Variants in CMTM7 observed in about 807,000 individuals in gnomAD.
CMTM7 encodes the protein CKLF like MARVEL transmembrane domain containing 7.
A neutral mutation model predicts 19.3 loss-of-function variants in CMTM7; 7 were observed. That is an observed-to-expected ratio of 0.36 (90% CI 0.21 to 0.68). The LOEUF (loss-of-function observed/expected upper bound fraction) is 0.68. Ranked by LOEUF, CMTM7 falls within the 30% of genes least tolerant of loss-of-function variation. CMTM7 has a pLI of 0.60. For missense variants in CMTM7, 193 were observed against 232.6 expected (o/e 0.83, Z 1.11); for synonymous variants, 87 against 99.3 (o/e 0.88, Z 0.74).
chr3:32,412,610 G>GTTTT (rs59220521), intron 1 of CMTM7, among the ~76,000 whole-genome samples: 42 of 142,434 alleles, frequency 2.9e-4, no homozygotes, highest in African/African-American at 9.9e-4. Flanking sequence ...TAGACCTAGC[G>GTTTT]TTTTTTTTTA....
At chr3:32,398,253 G>C (rs1350004766) in intron 1 of CMTM7, among the ~76,000 whole-genome samples, 1 of 152,180 alleles carries the variant, frequency 6.6e-6, no homozygotes, top group African/African-American at 2.4e-5. Flanking sequence ...CTATTAACAG[G>C]ATAGACTCTT....
Position 32,452,452 on chromosome 3 carries a change from TCGTGTGTAA to T in CMTM7, c.495_503del (p.Cys166_Thr168del), listed in dbSNP as rs1468893865. ...AAGCATATGGCTGTCCTATAAGATC[TCGTGTGTAA>T]CCCAGTCCACAGGTGAGTTCTGGTT... On this transcript the variant is annotated inframe_deletion, in exon 4 of 5. Coordinates refer to ENST00000334983, the MANE Select transcript of CMTM7 (RefSeq NM_138410.4). 1.2e-6 allele frequency: 2 copies of T among 1,614,134 alleles called. No individual in the cohort carries two copies. Among genetic ancestry groups the T allele is most frequent in the Non-Finnish European group, 1.7e-6 (2 of 1,180,036 alleles).
At chr3:32,398,292 C>T (rs939997933) in intron 1 of CMTM7, among the ~76,000 whole-genome samples, 3 of 152,194 alleles carry the variant, frequency 2.0e-5, no homozygotes, top group Non-Finnish European at 2.9e-5. Flanking sequence ...CAGACTGTGA[C>T]GTTTACATAA....
chr3:32,442,525 A>G (rs867210486), intron 2 of CMTM7, among the ~76,000 whole-genome samples: 2,575 of 144,252 alleles, frequency 0.018, 82 homozygotes, highest in African/African-American at 0.062. Flanking sequence ...AAAAAAAAAA[A>G]AAGAAGAAGG....
intron 1 of CMTM7, 138 bp downstream of exon 1, chr3:32,392,203 T>A: frequency 1.5e-6 from 1 of 683,368 alleles, no homozygotes; most frequent in Non-Finnish European, 2.0e-6. Context: ...ACCGCGTCGC[T>A]AAAGTTCGCG....
intron 1 of CMTM7, among the ~76,000 whole-genome samples, chr3:32,403,988 C>G (rs1696049699): frequency 6.6e-6 from 1 of 152,082 alleles, no homozygotes; most frequent in African/African-American, 2.4e-5. Context: ...GAAGCATTTT[C>G]ACATTACCCA....
chr3:32,449,284 C>T lies in CMTM7; in HGVS notation c.334-170C>T, dbSNP rs191425919. ...TTGCTTGGCCTCTTCCTGGTCAGCC[C>T]GCATGTTGGCTGCCTGCGAGCGGCT... On this transcript the variant is annotated intron_variant, in intron 2 of 4. Transcript: ENST00000334983. The surrounding 1 kb of genome is among the most constrained non-coding windows in gnomAD (Gnocchi z 4.5). Among the ~76,000 whole-genome samples the T allele has an allele frequency of 2.8e-3, 434 of 152,300 alleles. 2 individuals carry two copies. The highest frequency in any genetic ancestry group is 4.9e-3 in the Non-Finnish European group (333 of 68,012).
chr3:32,445,134 T>A (rs1313310405), intron 2 of CMTM7, among the ~76,000 whole-genome samples: 3 of 152,258 alleles, frequency 2.0e-5, no homozygotes, highest in Non-Finnish European at 4.4e-5. Flanking sequence ...TAGGATATTC[T>A]GTAAACATGA....
chr3:32,393,772 C>CAAA (rs34745605), intron 1 of CMTM7, among the ~76,000 whole-genome samples: 16 of 92,426 alleles, frequency 1.7e-4, no homozygotes, highest in African/African-American at 5.6e-4. Context: ...AGGCCTGTCT[C>CAAA]AAAAAAAAAA....
intron 1 of CMTM7, among the ~76,000 whole-genome samples, chr3:32,434,495 G>A (rs933246153): frequency 3.3e-5 from 5 of 151,182 alleles, no homozygotes; most frequent in African/African-American, 9.7e-5. Context: ...GTAGAGATGC[G>A]GGTCTCACTA....
chr3:32,428,125 C>T (rs1052019672), intron 1 of CMTM7, among the ~76,000 whole-genome samples: 2 of 152,180 alleles, frequency 1.3e-5, no homozygotes, highest in African/African-American at 4.8e-5. Flanking sequence ...GAATACATGG[C>T]AGGGACACAC....
In CMTM7 at chr3:32,430,882, C is replaced by T. The variant is rs576932333; in HGVS notation, c.160-10958C>T. On this transcript the variant is annotated intron_variant, in intron 1 of 4. Coordinates refer to ENST00000334983, the MANE Select transcript of CMTM7 (RefSeq NM_138410.4). ...TTACTCACCTCTCCTCTAGACAGTA[C>T]GTGGAGAGGGAGTAAGAACATCGCC... 2.6e-5 allele frequency among the ~76,000 whole-genome samples: 4 copies of T among 152,230 alleles called. No individual in the cohort carries two copies. In the East Asian group the frequency reaches 7.7e-4, roughly 29 times the overall value.
chr3:32,454,122 C>T, intron 4 of CMTM7, 119 bp from the exon 5 acceptor site: 1 of 1,082,506 alleles, frequency 9.2e-7, no homozygotes, highest in Non-Finnish European at 1.4e-6. Flanking sequence ...TGCAAGTCGG[C>T]ACTGGGTGGA....
At chr3:32,411,586 A>G (rs539881655) in intron 1 of CMTM7, among the ~76,000 whole-genome samples, 1 of 150,048 alleles carries the variant, frequency 6.7e-6, no homozygotes, top group Non-Finnish European at 1.5e-5. Context: ...CCACTTTGGG[A>G]ATGTTGCTAA....
intron 1 of CMTM7, among the ~76,000 whole-genome samples, chr3:32,415,459 G>A (rs1696246735): frequency 2.0e-5 from 3 of 152,136 alleles, no homozygotes; most frequent in Non-Finnish European, 4.4e-5. Flanking sequence ...CCTCCCGTTG[G>A]GATTAAGTAC....
chr3:32,391,954 C>T lies in CMTM7; in HGVS notation c.48C>T (p.Ser16=). The T allele has an allele frequency of 8.1e-7, 1 of 1,230,324 alleles. No individual in the cohort carries two copies. The highest frequency in any genetic ancestry group is 1.0e-6 in the Non-Finnish European group (1 of 986,208). The allele number at this position is 1,230,324 out of a possible 1,614,324, so 76.2% of individuals were successfully genotyped here. ...GLVRTTCSSG[S]ALGPGAGAAQ... ...TCCGCACCACGTGCAGCAGCGGCAG[C>T]GCGCTCGGACCCGGGGCCGGCGCGG... The change falls in exon 1 of 5, where the codon AGC becomes AGT. Residue 16 remains serine (S), a synonymous_variant. Transcript: ENST00000334983.
Position 32,438,203 on chromosome 3 carries a change from G to A in CMTM7, c.160-3637G>A, listed in dbSNP as rs148714155. 5.4e-3 allele frequency among the ~76,000 whole-genome samples: 821 copies of A among 152,310 alleles called. 7 individuals are homozygous for A. The highest frequency in any genetic ancestry group is 0.018 in the African/African-American group (768 of 41,554). ...GACACCTGAGAGGGTTGGAGCTGGC[G>A]GGAGGAGGGCAGGGATAAACACCCC... On this transcript the variant is annotated intron_variant, in intron 1 of 4. Transcript: ENST00000334983.
chr3:32,452,295 C>T, intron 3 of CMTM7, 97 bp from the exon 4 acceptor site: 2 of 1,604,066 alleles, frequency 1.2e-6, no homozygotes, highest in East Asian at 2.2e-5. Flanking sequence ...TGGCCAGAGA[C>T]ATGAAGGGAA....
At chr3:32,417,423 A>G (rs911149108) in intron 1 of CMTM7, among the ~76,000 whole-genome samples, 2 of 152,222 alleles carry the variant, frequency 1.3e-5, no homozygotes, top group African/African-American at 2.4e-5. Context: ...TCTATTACTG[A>G]GTAGTGTTCC....
Sources: gnomAD v4.1 joint callset for allele counts (sites outside exome capture counted in the v4.1 genomes callset) on GRCh38, gnomAD v4.1.1 for gene constraint, Gnocchi (gnomAD v3.1) non-coding constraint, MANE v1.5 for transcripts, NCBI Gene and HGNC (gene_info 2026-07-23, HGNC 2026-07-21) for gene names.